Variants in DYRK1A observed in about 807,000 individuals in gnomAD.
The protein encoded by DYRK1A is dual specificity tyrosine phosphorylation regulated kinase 1A, also known as dual specificity tyrosine-phosphorylation-regulated kinase 1A.
A neutral mutation model predicts 79.7 loss-of-function variants in DYRK1A; 9 were observed. The observed-to-expected ratio is 0.11, with a 90% confidence interval of 0.07 to 0.20. The LOEUF is 0.20. Ranked by LOEUF, DYRK1A falls within the 10% of genes least tolerant of loss-of-function variation. The pLI, the probability that DYRK1A is intolerant of heterozygous loss-of-function variation, is 1.00. For synonymous variants in DYRK1A, 349 were observed against 329.7 expected (o/e 1.06, Z -0.63); for missense variants, 622 against 956.0 (o/e 0.65, Z 4.61).
intron 6 of DYRK1A, chr21:37,488,442 T>C (rs1042626918): frequency 1.4e-6 from 1 of 709,388 alleles, no homozygotes; most frequent in Non-Finnish European, 1.7e-6. Context: ...TATTGTCTTG[T>C]CTTTGAACTT....
chr21:37,408,155 C>T (rs949206016), intron 1 of DYRK1A, among the ~76,000 whole-genome samples: 4 of 152,212 alleles, frequency 2.6e-5, no homozygotes, highest in African/African-American at 9.6e-5. Flanking sequence ...ACACATTTTG[C>T]TCAGTCATGG....
intron 2 of DYRK1A, among the ~76,000 whole-genome samples, chr21:37,431,988 A>G (rs1010773763): frequency 4.6e-5 from 7 of 152,242 alleles, no homozygotes; most frequent in Admixed American, 4.6e-4. Context: ...AGTACAGTAC[A>G]AAAACCAGTT....
chr21:37,430,473 C>G (rs1384922129), intron 2 of DYRK1A: 2 of 936,230 alleles, frequency 2.1e-6, no homozygotes, highest in Non-Finnish European at 2.5e-6. Context: ...TTTTTACTTT[C>G]ACCTTTGTTC....
intron 1 of DYRK1A, among the ~76,000 whole-genome samples, chr21:37,380,730 A>C (rs2049639875): frequency 6.6e-6 from 1 of 152,102 alleles, no homozygotes. Flanking sequence ...TCTCCTAAAA[A>C]AAAAAAACCT....
At chr21:37,468,018 C>A (rs1007463329) in intron 2 of DYRK1A, among the ~76,000 whole-genome samples, 2 of 152,178 alleles carry the variant, frequency 1.3e-5, no homozygotes, top group African/African-American at 4.8e-5. Flanking sequence ...CTATAGAGAT[C>A]AATGCAATTT....
intron 2 of DYRK1A, among the ~76,000 whole-genome samples, chr21:37,458,451 T>TC (rs1247121264): frequency 1.3e-5 from 2 of 152,186 alleles, no homozygotes; most frequent in Admixed American, 1.3e-4. Context: ...AGGCTCCAGA[T>TC]CGTCTTTGAG....
intron 1 of DYRK1A, among the ~76,000 whole-genome samples, chr21:37,413,643 T>C (rs1038246241): frequency 6.6e-6 from 1 of 152,142 alleles, no homozygotes; most frequent in African/African-American, 2.4e-5. Flanking sequence ...ATGTTCAGGT[T>C]AGTGAGGGAA....
chr21:37,444,086 T>G (rs184513055), intron 2 of DYRK1A, among the ~76,000 whole-genome samples: 1 of 152,334 alleles, frequency 6.6e-6, no homozygotes. Context: ...GTTCCTTTCT[T>G]CTGCTTCTCT....
At position 37,476,826 on chromosome 21, in the gene DYRK1A, C is replaced by CT. The variant is rs572479684; in HGVS notation, c.208-1382_208-1381insT. ...GTATAATCACCAAGGGTTCCCCCCCCCCCCAACCTTATTTGGAATTAAGAA... is the reference window on the plus strand; with the variant it reads ...GTATAATCACCAAGGGTTCCCCCCCCTCCCCAACCTTATTTGGAATTAAGAA... On this transcript the variant is annotated intron_variant, in intron 3 of 11. Transcript: ENST00000647188. Among the ~76,000 whole-genome samples the CT allele has an allele frequency of 1.8e-4, 26 of 142,200 alleles. 2 individuals are homozygous for CT. The South Asian group carries it at 5.5e-3, about 30-fold the overall frequency. The allele number at this position is 142,200 out of a possible 152,430, so 93.3% of individuals were successfully genotyped here.
chr21:37,444,010 T>C (rs566512255), intron 2 of DYRK1A, among the ~76,000 whole-genome samples: 1 of 152,254 alleles, frequency 6.6e-6, no homozygotes, highest in Admixed American at 6.5e-5. Context: ...CCTGGAATGT[T>C]TCCTGAATAT....
chr21:37,458,268 C>CTGTGTGTGTGTGTGTGTGTGTG (rs3138683), intron 2 of DYRK1A, among the ~76,000 whole-genome samples: 120 of 130,578 alleles, frequency 9.2e-4, no homozygotes, highest in Middle Eastern at 4.0e-3. Flanking sequence ...GGGTAATTTA[C>CTGTGTGTGTGTGTGTGTGTGTG]TGTGTGTGTG....
chr21:37,395,653 C>G (rs932130658), intron 1 of DYRK1A, among the ~76,000 whole-genome samples: 2 of 152,092 alleles, frequency 1.3e-5, no homozygotes, highest in Admixed American at 6.5e-5. Context: ...TGGCATAGTA[C>G]CTGCCCTGCA....
At position 37,507,249 on chromosome 21, in the gene DYRK1A, C is replaced by T. The variant is rs1395399829; in HGVS notation, c.1644+1026C>T. Among the ~76,000 whole-genome samples, 5 of 152,166 alleles carry T rather than the reference C, an allele frequency of 3.3e-5. No individual in the cohort carries two copies. The South Asian group carries it at 8.3e-4, about 25-fold the overall frequency. On this transcript the variant is annotated intron_variant, in intron 11 of 11. Transcript: ENST00000647188. ...GTTTCTTTCTGCCTAAGGCCAAGCCCACTCATTGCCCTGATCCCCTCTCTC... is the reference window on the plus strand; with the variant it reads ...GTTTCTTTCTGCCTAAGGCCAAGCCTACTCATTGCCCTGATCCCCTCTCTC...
At chr21:37,447,171 G>GA in intron 2 of DYRK1A, among the ~76,000 whole-genome samples, 1 of 152,246 alleles carries the variant, frequency 6.6e-6, no homozygotes, top group South Asian at 2.1e-4. Context: ...TGAGTTGAGT[G>GA]AGACAGTGTT....
intron 2 of DYRK1A, among the ~76,000 whole-genome samples, chr21:37,446,961 C>G (rs924313017): frequency 3.3e-5 from 5 of 152,110 alleles, no homozygotes; most frequent in Non-Finnish European, 7.4e-5. Flanking sequence ...CTGATTGTTA[C>G]TAGTCTTGCC....
At chr21:37,378,493 A>G (rs1161577147) in intron 1 of DYRK1A, among the ~76,000 whole-genome samples, 2 of 152,232 alleles carry the variant, frequency 1.3e-5, no homozygotes, top group Non-Finnish European at 2.9e-5. Context: ...AGATCACGCC[A>G]TTGCACTCCA....
At chr21:37,440,716 T>TA (rs1372479766) in intron 2 of DYRK1A, among the ~76,000 whole-genome samples, 2 of 152,226 alleles carry the variant, frequency 1.3e-5, no homozygotes, top group African/African-American at 2.4e-5. Flanking sequence ...TTGTTTTACT[T>TA]ACATGGTTCT....
chr21:37,380,397 AT>A lies in DYRK1A; in HGVS notation c.-77+12781del, dbSNP rs36062978. Among the ~76,000 whole-genome samples, 484 of 146,800 alleles carry A rather than the reference AT, an allele frequency of 3.3e-3. 2 individuals are homozygous for A. Among genetic ancestry groups the A allele is most frequent in the African/African-American group, 8.5e-3 (342 of 40,390 alleles). On this transcript the variant is annotated intron_variant, in intron 1 of 11. Coordinates refer to ENST00000647188, the MANE Select transcript of DYRK1A (RefSeq NM_001347721.2). ...ATCTCATTGAGTATTTTACAGTTTA[AT>A]TTTTTTTTTTTGTATTTCGTTGTTG...
In DYRK1A at chr21:37,458,474, T is replaced by C. The variant is rs376027410; in HGVS notation, c.11-14210T>C. On this transcript the variant is annotated intron_variant, in intron 2 of 11. Transcript: ENST00000647188. ...GATCGTCTTTGAGGCACATTTCCTG[T>C]CCCCTGGCAACTCTGTGTGTAACGT... is the stretch of plus-strand genomic sequence containing the variant. Among the ~76,000 whole-genome samples, 46 of 152,260 alleles carry C rather than the reference T, an allele frequency of 3.0e-4. 3 individuals carry two copies. Among genetic ancestry groups the C allele is most frequent in the Admixed American group, 1.8e-3 (28 of 15,300 alleles).
Sources: gnomAD v4.1 joint callset for allele counts (sites outside exome capture counted in the v4.1 genomes callset) on GRCh38, gnomAD v4.1.1 for gene constraint, MANE v1.5 for transcripts, NCBI Gene and HGNC (gene_info 2026-07-23, HGNC 2026-07-21) for gene names.